The following SRD5A2 variants were observed in gnomAD, a reference collection of about 807,000 sequenced individuals.
The protein encoded by SRD5A2 is 3-oxo-5-alpha-steroid 4-dehydrogenase 2.
In SRD5A2, 30 loss-of-function variants were observed where a neutral mutation model predicts 27.4. That is an observed-to-expected ratio of 1.10 (90% CI 0.82 to 1.49). SRD5A2 has a LOEUF of 1.49. Ranked by LOEUF, SRD5A2 falls within the 40% of genes most tolerant of loss-of-function variation. The pLI is 0.00. For synonymous variants in SRD5A2, 141 were observed against 133.6 expected, an observed-to-expected ratio of 1.06 and a Z score of -0.38; for missense variants, 348 against 323.4, an observed-to-expected ratio of 1.08 and a Z score of -0.58.
the SRD5A2 span, among the ~76,000 whole-genome samples, chr2:31,634,945 C>A: frequency 1.1e-4 from 16 of 152,080 alleles, no homozygotes; most frequent in Non-Finnish European, 2.2e-4. Flanking sequence ...TTGATGGACA[C>A]TGCTTGAATC....
the SRD5A2 span, among the ~76,000 whole-genome samples, chr2:31,589,540 C>T: frequency 1.3e-5 from 2 of 152,206 alleles, no homozygotes; most frequent in Non-Finnish European, 2.9e-5. Context: ...GGGAAAGACT[C>T]TCATCTGCCT....
At chr2:31,640,111 C>T in the SRD5A2 span, among the ~76,000 whole-genome samples, 6 of 150,656 alleles carry the variant, frequency 4.0e-5, no homozygotes, top group East Asian at 9.7e-4. Flanking sequence ...GTTTCTTTTG[C>T]TTAGTTCATT....
the SRD5A2 span, among the ~76,000 whole-genome samples, chr2:31,614,823 C>T: frequency 2.2e-4 from 34 of 152,176 alleles, no homozygotes; most frequent in East Asian, 6.2e-3. Context: ...TTGGCAGTGT[C>T]CTCATCCCAA....
intron 1 of SRD5A2, among the ~76,000 whole-genome samples, chr2:31,567,558 G>A (rs909550803): frequency 8.6e-5 from 13 of 151,488 alleles, no homozygotes; most frequent in Non-Finnish European, 1.6e-4. Flanking sequence ...CACAACAAAA[G>A]GTTCTTCATA....
chr2:31,654,748 A>AT, the SRD5A2 span, among the ~76,000 whole-genome samples: 1 of 152,178 alleles, frequency 6.6e-6, no homozygotes, highest in South Asian at 2.1e-4. Context: ...GAACTAAAAC[A>AT]CTCTGATCTG....
Position 31,575,560 on chromosome 2 carries a change from AG to A in SRD5A2, c.281+5059del, listed in dbSNP as rs1487771781. Among the ~76,000 whole-genome samples, 5 of 152,226 alleles carry A rather than the reference AG, an allele frequency of 3.3e-5. No homozygotes were observed. The East Asian group carries it at 9.6e-4, about 29-fold the overall frequency. ...AAAGGATGCCTGACCTGAATCTTGA[AG>A]GATGAGGAGAAATTCCGCTGGGGAA... On this transcript the variant is annotated intron_variant, in intron 1 of 4. Transcript: ENST00000622030.
At chr2:31,638,566 T>G in the SRD5A2 span, among the ~76,000 whole-genome samples, 5 of 152,056 alleles carry the variant, frequency 3.3e-5, no homozygotes, top group Non-Finnish European at 7.4e-5. Flanking sequence ...TTTCTCCTTT[T>G]AGACCTATTA....
At chr2:31,604,435 C>G in the SRD5A2 span, among the ~76,000 whole-genome samples, 3 of 151,714 alleles carry the variant, frequency 2.0e-5, no homozygotes, top group African/African-American at 7.3e-5. Flanking sequence ...AATATTAGAT[C>G]TGATAAACAA....
At chr2:31,583,652 C>CAAAAAAAAAAAAAAAAAAAAAAAAAAAA (rs1352139998), upstream of SRD5A2, among the ~76,000 whole-genome samples, 4 of 20,920 alleles carry the variant, frequency 1.9e-4, no homozygotes, top group African/African-American at 5.4e-4. Flanking sequence ...AAAAAAAAAC[C>CAAAAAAAAAAAAAAAAAAAAAAAAAAAA]AAAAAAAAAG....
the SRD5A2 span, among the ~76,000 whole-genome samples, chr2:31,643,155 G>T: frequency 1.1e-4 from 16 of 152,028 alleles, no homozygotes; most frequent in Non-Finnish European, 2.4e-4. Context: ...TAAGATTTGT[G>T]CATTTCATTA....
intron 1 of SRD5A2, among the ~76,000 whole-genome samples, chr2:31,545,817 C>G (rs963362924): frequency 6.6e-6 from 1 of 152,120 alleles, no homozygotes; most frequent in Non-Finnish European, 1.5e-5. Context: ...AACACTCTAA[C>G]GATTCCACAT....
At chr2:31,587,821 G>A in the SRD5A2 span, among the ~76,000 whole-genome samples, 3 of 152,016 alleles carry the variant, frequency 2.0e-5, no homozygotes, top group South Asian at 2.1e-4. Flanking sequence ...CCTAGATGAC[G>A]GGTTGAAGGT....
At chr2:31,586,968 A>G in the SRD5A2 span, among the ~76,000 whole-genome samples, 1 of 152,226 alleles carries the variant, frequency 6.6e-6, no homozygotes, top group South Asian at 2.1e-4. Context: ...AGAAATCTCA[A>G]AGAAATTAAA....
the SRD5A2 span, among the ~76,000 whole-genome samples, chr2:31,639,953 G>A: frequency 6.6e-6 from 1 of 151,942 alleles, no homozygotes; most frequent in Non-Finnish European, 1.5e-5. Flanking sequence ...TTGTTCAGAT[G>A]CCTCTTGAAC....
At chr2:31,643,316 AG>A in the SRD5A2 span, among the ~76,000 whole-genome samples, 1 of 152,202 alleles carries the variant, frequency 6.6e-6, no homozygotes, top group Non-Finnish European at 1.5e-5. Flanking sequence ...AATTCGAGCC[AG>A]TTTTCTCATT....
At chr2:31,565,638 GCATCAATT>G (rs1220434005) in intron 1 of SRD5A2, among the ~76,000 whole-genome samples, 2 of 151,962 alleles carry the variant, frequency 1.3e-5, no homozygotes, top group East Asian at 3.9e-4. Flanking sequence ...CACGATAAAA[GCATCAATT>G]CATCAAGAGG....
chr2:31,660,517 T>C, the SRD5A2 span, among the ~76,000 whole-genome samples: 2 of 151,978 alleles, frequency 1.3e-5, no homozygotes, highest in Admixed American at 6.6e-5. Flanking sequence ...AAAGTAAACT[T>C]ATGGACTTCG....
chr2:31,661,640 T>TA, the SRD5A2 span, among the ~76,000 whole-genome samples: 2 of 152,226 alleles, frequency 1.3e-5, no homozygotes, highest in Non-Finnish European at 2.9e-5. Context: ...AGTTGACTCT[T>TA]ACGTTATTTA....
At chr2:31,587,882 C>T in the SRD5A2 span, among the ~76,000 whole-genome samples, 1 of 152,128 alleles carries the variant, frequency 6.6e-6, no homozygotes, top group South Asian at 2.1e-4. Flanking sequence ...CCTGTATGTT[C>T]TGCACATGTA....
Sources: allele counts gnomAD v4.1 joint callset (sites outside exome capture counted in the v4.1 genomes callset), GRCh38; gene constraint gnomAD v4.1.1; transcripts MANE v1.5; gene names NCBI Gene and HGNC (gene_info 2026-07-23, HGNC 2026-07-21).